The following TMEM53 variants were observed in gnomAD, a reference collection of about 807,000 sequenced individuals.
TMEM53 encodes novel DUF829 domain-containing protein.
Under a neutral mutation model 21.4 loss-of-function variants are expected in TMEM53, and 14 were observed. The ratio of observed to expected loss-of-function variants is 0.65; its 90% CI spans 0.43 to 1.02. The LOEUF is 1.02. Among genes scored for constraint, TMEM53 ranks in the 50% least tolerant of loss-of-function variants. The pLI is 0.00. For synonymous variants in TMEM53, 148 were observed against 157.4 expected (o/e 0.94, Z 0.45); for missense variants, 323 against 383.6 (o/e 0.84, Z 1.32).
At chr1:44,667,308 T>TG (rs1644957199) in intron 1 of TMEM53, among the ~76,000 whole-genome samples, 1 of 135,478 alleles carries the variant, frequency 7.4e-6, no homozygotes, top group African/African-American at 3.4e-5. Flanking sequence ...CGCACACTTT[T>TG]TTTGTTGTTT....
intron 1 of TMEM53, among the ~76,000 whole-genome samples, chr1:44,667,688 T>A (rs146970036): frequency 4.5e-4 from 69 of 152,298 alleles, no homozygotes; most frequent in Non-Finnish European, 7.9e-4. Context: ...AATTTCTTTT[T>A]CATGATTTTT....
In TMEM53 at chr1:44,655,175, T is replaced by C. The variant is rs1248020605; in HGVS notation, c.218A>G (p.His73Arg). The C allele has an allele frequency of 3.1e-6, 5 of 1,612,560 alleles. No individual in the cohort carries two copies. The African/African-American group carries it at 4.0e-5, about 13-fold the overall frequency. The change falls in exon 3 of 3, where the codon CAC (histidine) becomes CGC (arginine). Residue 73 changes from histidine to arginine, a missense_variant. This residue lies in a region of TMEM53 where 269 missense variants were observed against 334.5 expected (regional missense o/e 0.80). Coordinates refer to ENST00000372237, the MANE Select transcript of TMEM53 (RefSeq NM_024587.4). The surrounding 1 kb of genome is among the most constrained non-coding windows in gnomAD (Gnocchi z 4.4). ...CAGTGACTCGGAGAAGAAGACCATG[T>C]GCCACGGGGCTGTGTATCGGATTAC... is the stretch of plus-strand genomic sequence containing the variant. Reference protein sequence around the residue: ...CIVIRYTAPWHMVFFSESLGI... With the variant: ...CIVIRYTAPWRMVFFSESLGI...
At position 44,654,342 on chromosome 1, in the gene TMEM53, T is replaced by A. The variant is rs1644827124; in HGVS notation, c.*217A>T. 3.5e-6 allele frequency: 2 copies of A among 568,570 alleles called. No homozygotes were observed. The highest frequency in any genetic ancestry group is 3.8e-5 in the African/African-American group (2 of 53,304). 35.2% of individuals were successfully genotyped at this position (568,570 alleles called of 1,614,324 possible). On this transcript the variant is annotated 3_prime_UTR_variant, in exon 3 of 3. Transcript: ENST00000372237. The surrounding 1 kb of genome is among the most constrained non-coding windows in gnomAD (Gnocchi z 7.0). ...TGACTGCAAGGCTCCCACAGACACA[T>A]GCCCAGGCACTCCTGCCCCTTAGGA... is the stretch of plus-strand genomic sequence containing the variant.
intron 1 of TMEM53, among the ~76,000 whole-genome samples, chr1:44,668,008 C>A (rs1255578312): frequency 2.0e-5 from 3 of 152,146 alleles, no homozygotes; most frequent in African/African-American, 7.2e-5. Flanking sequence ...AAAACTCAAG[C>A]ATAAATTAGA....
Position 44,670,855 on chromosome 1 carries a change from C to T in TMEM53, c.61+3476G>A, listed in dbSNP as rs144428585. Among the ~76,000 whole-genome samples, 435 of 152,354 alleles carry T rather than the reference C, an allele frequency of 2.9e-3. 2 individuals carry two copies. Among genetic ancestry groups the T allele is most frequent in the African/African-American group, 9.4e-3 (389 of 41,582 alleles). ...TTATGTTTACTGAACATGAGAGCCA[C>T]ACGGTGCCTTTAAGAAGGTTGCTGG... On this transcript the variant is annotated intron_variant, in intron 1 of 2. Coordinates refer to ENST00000372237, the MANE Select transcript of TMEM53 (RefSeq NM_024587.4).
chr1:44,674,356 G>T lies in TMEM53; in HGVS notation c.36C>A (p.Ile12=), dbSNP rs949075349. The change falls in exon 1 of 3, where the codon ATC becomes ATA. Residue 12 remains isoleucine, a synonymous_variant. Transcript: ENST00000372237. ...TCTGGCTCCAGCAGGGCTGATCCGG[G>T]ATCTCGATGGTGTAGTCCAGCTCTG... is the stretch of plus-strand genomic sequence containing the variant. The part of the protein sequence containing the change: ...ASAELDYTIE[I]PDQPCWSQKN... The T allele has an allele frequency of 6.2e-7, 1 of 1,613,102 alleles. No individual in the cohort carries two copies. Among genetic ancestry groups the T allele is most frequent in the Non-Finnish European group, 8.5e-7 (1 of 1,179,460 alleles).
chr1:44,674,282 G>A (rs1301649702), intron 1 of TMEM53, 49 bp downstream of exon 1: 11 of 1,571,760 alleles, frequency 7.0e-6, no homozygotes, highest in East Asian at 2.3e-5. Flanking sequence ...GCAACCCACA[G>A]GTTCATGAGG....
rs758100191 is a variant in TMEM53, at chr1:44,654,895, G to A, written c.498C>T (p.Ala166=). ...RALAAILERR[A]AMLRLLLLVA... ...CCAGCAGCAACAGGCGCAGCATGGC[G>A]GCCCGGCGCTCCAGGATGGCTGCCA... The change falls in exon 3 of 3, where the codon GCC becomes GCT. Residue 166 remains alanine (A), a synonymous_variant. Transcript: ENST00000372237. The surrounding 1 kb of genome is among the most constrained non-coding windows in gnomAD (Gnocchi z 7.0). The A allele has an allele frequency of 2.6e-5, 42 of 1,612,588 alleles. No homozygotes were observed. Among genetic ancestry groups the A allele is most frequent in the Non-Finnish European group, 3.2e-5 (38 of 1,179,662 alleles).
chr1:44,666,248 G>T (rs1441273445), intron 1 of TMEM53, among the ~76,000 whole-genome samples: 1 of 152,220 alleles, frequency 6.6e-6, no homozygotes, highest in Admixed American at 6.5e-5. Context: ...GGTTGTGGAT[G>T]AAACCAGGAC....
intron 1 of TMEM53, among the ~76,000 whole-genome samples, chr1:44,669,503 A>C (rs1184714369): frequency 6.6e-6 from 1 of 152,194 alleles, no homozygotes; most frequent in Non-Finnish European, 1.5e-5. Flanking sequence ...TAAGGCTCTT[A>C]AGCTGAAATC....
chr1:44,670,911 T>TGG (rs1444195430), intron 1 of TMEM53, among the ~76,000 whole-genome samples: 4 of 152,172 alleles, frequency 2.6e-5, no homozygotes, highest in Non-Finnish European at 4.4e-5. Context: ...GGGATCTAGG[T>TGG]GGGACTTGGC....
Position 44,654,448 on chromosome 1 carries a change from A to C in TMEM53, c.*111T>G. ...GAATTTTCTACTTAGGGGACCGCAA[A>C]GTCCCAAAGGGCTACAGGGAGTTGA... On this transcript the variant is annotated 3_prime_UTR_variant, in exon 3 of 3. Transcript: ENST00000372237. This position sits in a 1 kb window ranked among gnomAD's most constrained non-coding sequence, Gnocchi z 7.0. 8 of 1,330,268 alleles carry C rather than the reference A, an allele frequency of 6.0e-6. No homozygotes were observed. The highest frequency in any genetic ancestry group is 8.2e-6 in the Non-Finnish European group (8 of 971,050). The allele number at this position is 1,330,268 out of a possible 1,614,324, so 82.4% of individuals were successfully genotyped here.
intron 2 of TMEM53, among the ~76,000 whole-genome samples, chr1:44,657,231 A>G (rs1288000351): frequency 6.6e-6 from 1 of 152,162 alleles, no homozygotes; most frequent in Non-Finnish European, 1.5e-5. Flanking sequence ...CTGGATTTAA[A>G]AGAGCCTTAA....
rs959760641 is a variant in TMEM53 at position 44,654,497 on chromosome 1, G to T, written c.*62C>A. On this transcript the variant is annotated 3_prime_UTR_variant, in exon 3 of 3. Transcript: ENST00000372237. This position sits in a 1 kb window ranked among gnomAD's most constrained non-coding sequence, Gnocchi z 7.0. ...GAACGAGAAGAGTGCCCGACAGATT[G>T]CAGGTTGTGGGGAGGTGTCAGGCAT... 6.5e-7 allele frequency: 1 copy of T among 1,544,482 alleles called. No homozygotes were observed. The highest frequency in any genetic ancestry group is 8.8e-7 in the Non-Finnish European group (1 of 1,137,044).
rs1644821753 is a variant in TMEM53, at chr1:44,653,772, T to G, written c.*787A>C. ...TGACGCTACCCCTGACCGATATACC[T>G]TCCCTCTGGCATCTCCCCACAAAGG... On this transcript the variant is annotated 3_prime_UTR_variant, in exon 3 of 3. Transcript: ENST00000372237. 1 of 152,226 alleles carries G rather than the reference T, an allele frequency of 6.6e-6. No homozygotes were observed. The highest frequency in any genetic ancestry group is 6.5e-5 in the Admixed American group (1 of 15,288). 9.4% of individuals were successfully genotyped at this position (152,226 alleles called of 1,614,324 possible).
Position 44,655,038 on chromosome 1 carries a change from G to A in TMEM53, c.355C>T (p.Leu119=), listed in dbSNP as rs1220810312. The change falls in exon 3 of 3, where the codon CTG becomes TTG. Residue 119 remains leucine, a synonymous_variant. Coordinates refer to ENST00000372237, the MANE Select transcript of TMEM53 (RefSeq NM_024587.4). The surrounding 1 kb of genome is among the most constrained non-coding windows in gnomAD (Gnocchi z 4.4). ...AGGAGCTCCAGCACGTAGCGGTACA[G>A]CATGACGCCACCGTTGCTGAAGACA... The part of the protein sequence containing the change: ...FHVFSNGGVM[L]YRYVLELLQT... The A allele has an allele frequency of 3.1e-6, 5 of 1,614,192 alleles. No individual in the cohort carries two copies. The highest frequency in any genetic ancestry group is 4.2e-6 in the Non-Finnish European group (5 of 1,180,014).
Position 44,655,020 on chromosome 1 carries a change from C to T in TMEM53, c.373G>A (p.Glu125Lys). Reference sequence around the variant, plus strand: ...CAGAAGCGACGGGTCTGCAGGAGCTCCAGCACGTAGCGGTACAGCATGACG... The same window carrying T: ...CAGAAGCGACGGGTCTGCAGGAGCTTCAGCACGTAGCGGTACAGCATGACG... ...GGVMLYRYVL[E>K]LLQTRRFCRL... Residue 125 changes from glutamate to lysine, a missense_variant, in exon 3 of 3, where the codon GAG becomes AAG. Physicochemically the swap from Glu to Lys is moderately conservative, Grantham distance 56. This residue lies in a region of TMEM53 where 269 missense variants were observed against 334.5 expected (regional missense o/e 0.80). Coordinates refer to ENST00000372237, the MANE Select transcript of TMEM53 (RefSeq NM_024587.4). This position sits in a 1 kb window ranked among gnomAD's most constrained non-coding sequence, Gnocchi z 4.4. 6.2e-7 allele frequency: 1 copy of T among 1,614,096 alleles called. No individual in the cohort carries two copies. Among genetic ancestry groups the T allele is most frequent in the Non-Finnish European group, 8.5e-7 (1 of 1,179,960 alleles).
rs186787975 is a variant in TMEM53 at position 44,670,049 on chromosome 1, C to A, written c.61+4282G>T. Among the ~76,000 whole-genome samples the A allele has an allele frequency of 5.9e-5, 9 of 151,818 alleles. No homozygotes were observed. In the East Asian group the frequency reaches 1.7e-3, roughly 29 times the overall value. On this transcript the variant is annotated intron_variant, in intron 1 of 2. Transcript: ENST00000372237. The stretch of plus-strand genomic sequence containing the variant: ...CTGACCTCAGGTGATCCGCCAACCT[C>A]GGCCTCCCAAAGTGCTGGGGTTACA...
intron 2 of TMEM53, among the ~76,000 whole-genome samples, chr1:44,657,003 C>T (rs1367924041): frequency 6.9e-6 from 1 of 143,944 alleles, no homozygotes; most frequent in Non-Finnish European, 1.6e-5. Flanking sequence ...CAGAGCAAGA[C>T]TCTCTCTCAA....
Sources: gnomAD v4.1 joint callset for allele counts (sites outside exome capture counted in the v4.1 genomes callset) on GRCh38, gnomAD v4.1.1 for gene constraint, gnomAD v4.1.1 regional missense constraint, Gnocchi (gnomAD v3.1) non-coding constraint, MANE v1.5 for transcripts, NCBI Gene and HGNC (gene_info 2026-07-23, HGNC 2026-07-21) for gene names.